Variants in GRB10 observed in about 807,000 individuals in gnomAD.
GRB10 encodes growth factor receptor-bound protein 10.
Under a neutral mutation model 80.9 loss-of-function variants are expected in GRB10, and 20 were observed. The observed-to-expected ratio is 0.25, with a 90% CI of 0.17 to 0.36. The LOEUF (loss-of-function observed/expected upper bound fraction) is 0.36. Ranked by LOEUF, GRB10 falls within the 10% of genes least tolerant of loss-of-function variation. The pLI is 1.00. For synonymous variants in GRB10, 291 were observed against 291.5 expected (o/e 1.00, Z 0.02); for missense variants, 548 against 747.7 (o/e 0.73, Z 3.12).
At chr7:50,640,982 C>G (rs1349422561) in intron 7 of GRB10, among the ~76,000 whole-genome samples, 1 of 152,148 alleles carries the variant, frequency 6.6e-6, no homozygotes, top group Non-Finnish European at 1.5e-5. Flanking sequence ...CAGTTTTTCA[C>G]GTGACACAGG....
intron 3 of GRB10, among the ~76,000 whole-genome samples, chr7:50,744,774 G>A (rs551498191): frequency 3.9e-5 from 6 of 152,250 alleles, no homozygotes; most frequent in South Asian, 2.1e-4. Context: ...CATTTAAAGC[G>A]TATACTTGCA....
intron 2 of GRB10, among the ~76,000 whole-genome samples, chr7:50,777,294 G>T (rs1190388580): frequency 2.6e-5 from 4 of 151,870 alleles, no homozygotes; most frequent in South Asian, 4.2e-4. Flanking sequence ...CTTTTAAAAG[G>T]GCCCTAATCC....
intron 4 of GRB10, among the ~76,000 whole-genome samples, chr7:50,725,133 T>C (rs2068398468): frequency 6.6e-6 from 1 of 152,186 alleles, no homozygotes; most frequent in Non-Finnish European, 1.5e-5. Context: ...CAAAATCTCA[T>C]GTCCATCCCC....
At chr7:50,697,062 C>T (rs1421029235) in intron 5 of GRB10, among the ~76,000 whole-genome samples, 3 of 152,180 alleles carry the variant, frequency 2.0e-5, no homozygotes, top group African/African-American at 7.2e-5. Flanking sequence ...TACAAAAGGA[C>T]AAATAGTGTA....
intron 4 of GRB10, among the ~76,000 whole-genome samples, chr7:50,706,086 T>A (rs2065002290): frequency 6.6e-6 from 1 of 152,240 alleles, no homozygotes; most frequent in South Asian, 2.1e-4. Context: ...CAAAGAAAAT[T>A]TTTATATAAA....
At chr7:50,719,750 C>T (rs1342487978) in intron 4 of GRB10, among the ~76,000 whole-genome samples, 2 of 152,080 alleles carry the variant, frequency 1.3e-5, no homozygotes, top group African/African-American at 4.8e-5. Flanking sequence ...CCACTTTCTC[C>T]ATGAAATAAA....
rs1247044252 is a variant in GRB10, at chr7:50,592,360, G to A, written c.*592C>T. The A allele has an allele frequency of 6.5e-6, 1 of 154,738 alleles. No individual in the cohort carries two copies. Among genetic ancestry groups the A allele is most frequent in the Non-Finnish European group, 1.4e-5 (1 of 69,724 alleles). 9.6% of individuals were successfully genotyped at this position (154,738 alleles called of 1,614,324 possible). A position where few individuals can be genotyped will look rare whatever the true frequency, so the allele number is the denominator to read the frequency against. ...TTTTCAAGTATACTGGGAAGGGCTG[G>A]GTTTGTCATTTGGGAGCTGAATCCA... On this transcript the variant is annotated 3_prime_UTR_variant, in exon 19 of 19. Transcript: ENST00000401949.
At chr7:50,727,517 TGTTA>T (rs2068843831) in intron 4 of GRB10, among the ~76,000 whole-genome samples, 1 of 152,264 alleles carries the variant, frequency 6.6e-6, no homozygotes, top group South Asian at 2.1e-4. Flanking sequence ...CAACTGATTC[TGTTA>T]GTTACAGAAA....
intron 6 of GRB10, among the ~76,000 whole-genome samples, chr7:50,670,248 T>C (rs192327073): frequency 2.4e-5 from 3 of 127,174 alleles, no homozygotes; most frequent in African/African-American, 9.6e-5. Flanking sequence ...CCATAGAAAA[T>C]AGAAGGGTGG....
chr7:50,747,057 T>TCCC (rs2073060672), intron 3 of GRB10, among the ~76,000 whole-genome samples: 1 of 152,130 alleles, frequency 6.6e-6, no homozygotes, highest in Non-Finnish European at 1.5e-5. Context: ...CGCTGCCTCC[T>TCCC]ACCCCTCAAA....
At chr7:50,667,766 T>C in intron 7 of GRB10, among the ~76,000 whole-genome samples, 1 of 151,508 alleles carries the variant, frequency 6.6e-6, no homozygotes, top group African/African-American at 2.4e-5. Flanking sequence ...AGGACACGAG[T>C]GACACAGACA....
intron 7 of GRB10, among the ~76,000 whole-genome samples, chr7:50,631,566 G>C (rs1205107256): frequency 6.6e-6 from 1 of 152,226 alleles, no homozygotes; most frequent in Non-Finnish European, 1.5e-5. Flanking sequence ...AAATACTCGT[G>C]GTAAATGTTT....
intron 7 of GRB10, among the ~76,000 whole-genome samples, chr7:50,631,987 C>T (rs1310220676): frequency 6.6e-6 from 1 of 152,166 alleles, no homozygotes; most frequent in African/African-American, 2.4e-5. Context: ...CAAGGCTTCA[C>T]ACAAAAAGGC....
intron 6 of GRB10, among the ~76,000 whole-genome samples, chr7:50,674,089 G>C (rs1482325830): frequency 6.6e-6 from 1 of 152,222 alleles, no homozygotes; most frequent in Non-Finnish European, 1.5e-5. Flanking sequence ...TCTGGGTAGT[G>C]AGGACTTGGG....
chr7:50,764,639 G>T (rs1354963215), intron 2 of GRB10, among the ~76,000 whole-genome samples: 1 of 152,170 alleles, frequency 6.6e-6, no homozygotes, highest in East Asian at 1.9e-4. Flanking sequence ...AGCTGGGGTG[G>T]GGGCAGCCTG....
At chr7:50,762,340 T>A (rs977241924) in intron 2 of GRB10, among the ~76,000 whole-genome samples, 2 of 150,596 alleles carry the variant, frequency 1.3e-5, no homozygotes, top group African/African-American at 2.4e-5. Flanking sequence ...AAATAAAAAA[T>A]TTTTGAGGAA....
At chr7:50,663,108 C>T (rs571681012) in intron 7 of GRB10, among the ~76,000 whole-genome samples, 3 of 152,354 alleles carry the variant, frequency 2.0e-5, no homozygotes, top group African/African-American at 7.2e-5. Context: ...GCCCAGGGTG[C>T]ATCCTCAGAG....
chr7:50,679,399 C>T (rs1022275041), intron 5 of GRB10, among the ~76,000 whole-genome samples: 1 of 152,336 alleles, frequency 6.6e-6, no homozygotes, highest in African/African-American at 2.4e-5. Context: ...GATTTAACTT[C>T]TAGCACCATC....
At chr7:50,595,583 TCACACACACACACTCTCTTACA>T in intron 17 of GRB10, 53 bp from the exon 18 acceptor site, 1 of 646,454 alleles carries the variant, frequency 1.5e-6, no homozygotes, top group Non-Finnish European at 2.6e-6. Context: ...CTGGAACTAA[TCACACACACACACTCTCTTACA>T]CACACACACA....
Sources: allele counts gnomAD v4.1 joint callset (sites outside exome capture counted in the v4.1 genomes callset), GRCh38; gene constraint gnomAD v4.1.1; transcripts MANE v1.5; gene names NCBI Gene and HGNC (gene_info 2026-07-23, HGNC 2026-07-21).